Variants in JARID2 observed in about 807,000 individuals in gnomAD.
The protein encoded by JARID2 is jumonji and AT-rich interaction domain containing 2, also known as protein Jumonji.
A neutral mutation model predicts 125.6 loss-of-function variants in JARID2; 21 were observed. The ratio of observed to expected loss-of-function variants is 0.17; its 90% CI spans 0.12 to 0.24. The LOEUF (loss-of-function observed/expected upper bound fraction) is 0.24. Ranked by LOEUF, JARID2 falls within the 10% of genes least tolerant of loss-of-function variation. The pLI is 1.00. For synonymous variants in JARID2, 736 were observed against 661.6 expected (o/e 1.11, Z -1.73); for missense variants, 1,303 against 1,639.6 (o/e 0.79, Z 3.55).
chr6:15,248,194 C>G, intron 1 of JARID2: 1 of 641,470 alleles, frequency 1.6e-6, no homozygotes, highest in Non-Finnish European at 1.9e-6. Flanking sequence ...AGCCGGTGTT[C>G]CCGACGTCCT....
chr6:15,438,337 C>A (rs2299048), intron 3 of JARID2, among the ~76,000 whole-genome samples: 51,336 of 151,912 alleles, frequency 0.34, 8,829 homozygotes, highest in Admixed American at 0.44. Context: ...TGCATCCCCC[C>A]TCCCAGTGCC....
chr6:15,508,964 CCT>C (rs746474777), intron 12 of JARID2: 42 of 1,289,066 alleles, frequency 3.3e-5, no homozygotes, highest in Admixed American at 4.6e-5. Context: ...TTATTTTCAG[CCT>C]CTCTGTAGAG....
intron 3 of JARID2, among the ~76,000 whole-genome samples, chr6:15,443,420 G>T (rs1462396615): frequency 6.6e-6 from 1 of 152,150 alleles, no homozygotes; most frequent in Non-Finnish European, 1.5e-5. Context: ...AAGGGAGTAG[G>T]GGAGTGGATT....
intron 13 of JARID2, among the ~76,000 whole-genome samples, 161 bp downstream of exon 13, chr6:15,511,562 C>T (rs1431220352): frequency 6.6e-6 from 1 of 152,220 alleles, no homozygotes; most frequent in East Asian, 1.9e-4. Context: ...GCCAAACTGA[C>T]CTTCCATCAG....
chr6:15,487,871 G>T (rs146112108), intron 6 of JARID2, among the ~76,000 whole-genome samples: 62 of 140,488 alleles, frequency 4.4e-4, no homozygotes, highest in Admixed American at 1.4e-3. Flanking sequence ...TTTTTCTCAG[G>T]GTAGGTTTTG....
intron 1 of JARID2, among the ~76,000 whole-genome samples, chr6:15,300,346 A>G (rs536948615): frequency 1.1e-4 from 16 of 152,206 alleles, no homozygotes; most frequent in Non-Finnish European, 1.8e-4. Context: ...CAAGGAGGGA[A>G]GCGGAGAAGG....
intron 3 of JARID2, among the ~76,000 whole-genome samples, chr6:15,438,500 C>T (rs895115324): frequency 1.3e-5 from 2 of 152,152 alleles, no homozygotes; most frequent in African/African-American, 4.8e-5. Context: ...TTCCATGATT[C>T]CTCTGCACGT....
Position 15,520,799 on chromosome 6 carries a change from C to T in JARID2, c.*548C>T. On this transcript the variant is annotated 3_prime_UTR_variant, in exon 18 of 18. Coordinates refer to ENST00000341776, the MANE Select transcript of JARID2 (RefSeq NM_004973.4). ...AAGCCGGGGCACCCCCGTTTTGTTT[C>T]TCTGGGCGGTTGTGGCAGCTGAAGG... The T allele has an allele frequency of 2.2e-6, 1 of 455,912 alleles. No homozygotes were observed. Among genetic ancestry groups the T allele is most frequent in the South Asian group, 1.5e-5 (1 of 64,562 alleles). 28.2% of individuals were successfully genotyped at this position (455,912 alleles called of 1,614,324 possible).
At chr6:15,475,622 G>GC (rs1352281788) in intron 5 of JARID2, among the ~76,000 whole-genome samples, 2 of 152,220 alleles carry the variant, frequency 1.3e-5, no homozygotes, top group African/African-American at 4.8e-5. Context: ...GTGATGCTCT[G>GC]CCCTTACCCC....
intron 1 of JARID2, among the ~76,000 whole-genome samples, chr6:15,312,887 A>C (rs1018650288): frequency 6.6e-6 from 1 of 152,108 alleles, no homozygotes; most frequent in Admixed American, 6.5e-5. Context: ...TTCTGCCCTT[A>C]CCTTTACCCC....
intron 6 of JARID2, among the ~76,000 whole-genome samples, chr6:15,490,619 G>T (rs1009258537): frequency 6.6e-6 from 1 of 152,162 alleles, no homozygotes; most frequent in African/African-American, 2.4e-5. Flanking sequence ...GTATAACATT[G>T]CATTGTCATG....
intron 8 of JARID2, among the ~76,000 whole-genome samples, chr6:15,502,626 T>TG (rs1354762961): frequency 6.6e-6 from 1 of 152,214 alleles, no homozygotes; most frequent in Non-Finnish European, 1.5e-5. Context: ...GAGGAAGGGT[T>TG]GACTTGACTC....
At chr6:15,443,514 A>G (rs989911952) in intron 3 of JARID2, among the ~76,000 whole-genome samples, 1 of 152,214 alleles carries the variant, frequency 6.6e-6, no homozygotes, top group Non-Finnish European at 1.5e-5. Flanking sequence ...AGGTGGTAGT[A>G]CTAGCACTTT....
chr6:15,313,511 A>G (rs1762082612), intron 1 of JARID2, among the ~76,000 whole-genome samples: 1 of 152,158 alleles, frequency 6.6e-6, no homozygotes, highest in South Asian at 2.1e-4. Context: ...TTTTCTGGGA[A>G]GTCTGCTGCC....
At chr6:15,474,945 GA>G (rs764156871) in intron 5 of JARID2, among the ~76,000 whole-genome samples, 2 of 152,230 alleles carry the variant, frequency 1.3e-5, no homozygotes, top group Non-Finnish European at 2.9e-5. Context: ...CTGAGTTGCT[GA>G]AAGTCAGTAA....
At chr6:15,276,740 AG>A (rs890737927) in intron 1 of JARID2, among the ~76,000 whole-genome samples, 10 of 152,280 alleles carry the variant, frequency 6.6e-5, no homozygotes, top group Admixed American at 2.0e-4. Flanking sequence ...GGAATGAGCC[AG>A]GGGGTCCTGT....
chr6:15,391,943 G>T lies in JARID2; in HGVS notation c.181+17691G>T, dbSNP rs146830912. Reference sequence around the variant, plus strand: ...TGGATGCTTTTGCAGAATGTGGAGGGAAGCGAATGAGAAGTATTCTGGAGG... The same window carrying T: ...TGGATGCTTTTGCAGAATGTGGAGGTAAGCGAATGAGAAGTATTCTGGAGG... On this transcript the variant is annotated intron_variant, in intron 2 of 17. Transcript: ENST00000341776. 3.7e-3 allele frequency among the ~76,000 whole-genome samples: 565 copies of T among 152,282 alleles called. 16 individuals carry two copies. The highest frequency in any genetic ancestry group is 0.029 in the Admixed American group (437 of 15,290).
At chr6:15,340,454 A>G (rs1763029876) in intron 1 of JARID2, among the ~76,000 whole-genome samples, 1 of 152,220 alleles carries the variant, frequency 6.6e-6, no homozygotes, top group Non-Finnish European at 1.5e-5. Flanking sequence ...ATGAACAACC[A>G]GTTTGGTGCT....
intron 1 of JARID2, among the ~76,000 whole-genome samples, chr6:15,349,796 C>CT (rs1430049126): frequency 3.3e-5 from 5 of 152,192 alleles, no homozygotes; most frequent in African/African-American, 1.2e-4. Flanking sequence ...CAAGCAATGC[C>CT]TTATTCTGGC....
Sources: gnomAD v4.1 joint callset for allele counts (sites outside exome capture counted in the v4.1 genomes callset) on GRCh38, gnomAD v4.1.1 for gene constraint, MANE v1.5 for transcripts, NCBI Gene and HGNC (gene_info 2026-07-23, HGNC 2026-07-21) for gene names.